The following KAT5 variants were observed in gnomAD, a reference collection of about 807,000 sequenced individuals.
The protein encoded by KAT5 is histone acetyltransferase KAT5.
A neutral mutation model predicts 68.1 loss-of-function variants in KAT5; 31 were observed. The ratio of observed to expected loss-of-function variants is 0.46; its 90% CI spans 0.34 to 0.61. KAT5 has a LOEUF of 0.61. Ranked by LOEUF, KAT5 falls within the 20% of genes least tolerant of loss-of-function variation. The probability of loss-of-function intolerance (pLI) is 0.01; values close to 1 mark genes in which losing one functional copy is unlikely to be tolerated. For synonymous variants in KAT5, 365 were observed against 292.6 expected, an observed-to-expected ratio of 1.25 and a Z score of -2.52; for missense variants, 451 against 725.5, an observed-to-expected ratio of 0.62 and a Z score of 4.35.
At position 65,713,342 on chromosome 11, in the gene KAT5, C is replaced by T; in HGVS notation, c.385-6C>T. Reference sequence around the variant, plus strand: ...CCAAAGGAAGACCCTGGACCTATCTCTACAGCCGGCCTCGGCGCAGGCCAG... The same window carrying T: ...CCAAAGGAAGACCCTGGACCTATCTTTACAGCCGGCCTCGGCGCAGGCCAG... On this transcript the variant is annotated splice_polypyrimidine_tract_variant and splice_region_variant and intron_variant, in intron 3 of 12. Transcript: ENST00000341318. 1.2e-6 allele frequency: 2 copies of T among 1,613,962 alleles called. No individual in the cohort carries two copies. The highest frequency in any genetic ancestry group is 1.7e-6 in the Non-Finnish European group (2 of 1,179,916).
At chr11:65,713,549 C>T (rs779028006) in intron 4 of KAT5, 44 bp from the exon 5 acceptor site, 10 of 1,614,004 alleles carry the variant, frequency 6.2e-6, no homozygotes, top group South Asian at 1.1e-5. Context: ...TCAGGTCCCA[C>T]CTTCTCTACC....
At chr11:65,718,346 C>T (rs1487557211) in intron 10 of KAT5, 1 of 476,446 alleles carries the variant, frequency 2.1e-6, no homozygotes, top group Non-Finnish European at 3.8e-6. Flanking sequence ...TGATCACCCT[C>T]ATGGTTGACT....
At chr11:65,714,799 C>T (rs773110400) in intron 7 of KAT5, 22 bp from the exon 8 acceptor site, 2 of 1,614,108 alleles carry the variant, frequency 1.2e-6, no homozygotes, top group Non-Finnish European at 1.7e-6. Flanking sequence ...GCCCTTGTTC[C>T]TGATCCTCCT....
At position 65,719,402 on chromosome 11, in the gene KAT5, C is replaced by T. The variant is rs1337344036; in HGVS notation, c.*221C>T. On this transcript the variant is annotated 3_prime_UTR_variant, in exon 13 of 13. Coordinates refer to ENST00000341318, the MANE Select transcript of KAT5 (RefSeq NM_182710.3). The stretch of plus-strand genomic sequence containing the variant: ...GTCAGCTGGCCACAGGCCCAGGCCT[C>T]CTCTGAAGCAGGGACCAGAGGGAGC... 2 of 624,110 alleles carry T rather than the reference C, an allele frequency of 3.2e-6. No individual in the cohort carries two copies. Among genetic ancestry groups the T allele is most frequent in the South Asian group, 2.0e-5 (1 of 50,792 alleles). The allele number at this position is 624,110 out of a possible 1,614,324, so 38.7% of individuals were successfully genotyped here.
chr11:65,713,072 C>G lies in KAT5; in HGVS notation c.384+14C>G. On this transcript the variant is annotated intron_variant, in intron 3 of 12. Transcript: ENST00000341318. ...GAGAGAGAGGTGGTGAGTAGGTCCCCCACTTCACCTTTTCTCTCCTGCCTC... is the reference window on the plus strand; with the variant it reads ...GAGAGAGAGGTGGTGAGTAGGTCCCGCACTTCACCTTTTCTCTCCTGCCTC... 1.2e-6 allele frequency: 2 copies of G among 1,612,274 alleles called. No individual in the cohort carries two copies. The highest frequency in any genetic ancestry group is 2.1e-4 in the Middle Eastern group (1 of 4,696).
chr11:65,713,280 C>A, intron 3 of KAT5, 68 bp from the exon 4 acceptor site: 1 of 1,514,680 alleles, frequency 6.6e-7, no homozygotes, highest in South Asian at 1.2e-5. Context: ...GGTGAGGGAC[C>A]CCTCTTCCCC....
At chr11:65,713,937 A>G in intron 6 of KAT5, 89 bp downstream of exon 6, 1 of 1,204,398 alleles carries the variant, frequency 8.3e-7, no homozygotes, top group Non-Finnish European at 1.2e-6. Context: ...GTTTAAAAAT[A>G]AAGAAGGGGT....
intron 6 of KAT5, 102 bp downstream of exon 6, chr11:65,713,950 T>C: frequency 1.9e-6 from 2 of 1,061,938 alleles, no homozygotes; most frequent in South Asian, 2.9e-5. Context: ...GAAGGGGTGG[T>C]GGGCAGAGCT....
chr11:65,716,862 T>C (rs1179778573), intron 9 of KAT5, 27 bp from the exon 10 acceptor site: 16 of 1,613,502 alleles, frequency 9.9e-6, no homozygotes, highest in African/African-American at 1.3e-5. Flanking sequence ...ATCCCTTCCC[T>C]GACACTCACC....
rs1332750183 is a variant in KAT5, at chr11:65,719,108, A to G, written c.1568A>G (p.Lys523Arg). 1.2e-6 allele frequency: 2 copies of G among 1,614,072 alleles called. No homozygotes were observed. Among genetic ancestry groups the G allele is most frequent in the African/African-American group, 2.7e-5 (2 of 74,922 alleles). ...GATGGCCATGAGCGGGCCATGCTCAAGCGGCTCCTGCGGATCGACTCCAAG... is the reference window on the plus strand; with the variant it reads ...GATGGCCATGAGCGGGCCATGCTCAGGCGGCTCCTGCGGATCGACTCCAAG... ...IVDGHERAML[K>R]RLLRIDSKCL... Residue 523 changes from lysine (K) to arginine (R), a missense_variant, in exon 13 of 13, where the codon AAG becomes AGG. By Grantham distance (26) the Lys-to-Arg change is conservative. Transcript: ENST00000341318.
intron 10 of KAT5, chr11:65,718,293 C>T: frequency 3.3e-6 from 1 of 304,800 alleles, no homozygotes; most frequent in Non-Finnish European, 6.1e-6. Flanking sequence ...TTCCCATGAG[C>T]CATTTTCTCT....
chr11:65,712,171 C>G, upstream of KAT5: 2 of 1,255,756 alleles, frequency 1.6e-6, no homozygotes, highest in African/African-American at 3.2e-5. Context: ...AAAGGTCCCC[C>G]TCTACAGGGG....
rs776567096 is a variant in KAT5, at chr11:65,714,596, C to T, written c.792C>T (p.Asn264=). 3.7e-6 allele frequency: 6 copies of T among 1,614,198 alleles called. No individual in the cohort carries two copies. The highest frequency in any genetic ancestry group is 5.1e-6 in the Non-Finnish European group (6 of 1,180,032). ...SHDDIVTRMK[N]IECIELGRHR... is the part of the protein sequence containing the mutation. Reference sequence around the variant, plus strand: ...ACGACATCGTCACCCGGATGAAGAACATTGAGTGCATTGAGCTGGGCCGGC... The same window carrying T: ...ACGACATCGTCACCCGGATGAAGAATATTGAGTGCATTGAGCTGGGCCGGC... Residue 264 remains asparagine, a synonymous_variant, in exon 7 of 13, where the codon AAC becomes AAT. Transcript: ENST00000341318.
intron 8 of KAT5, 100 bp downstream of exon 8, chr11:65,715,010 C>G: frequency 9.6e-7 from 1 of 1,039,976 alleles, no homozygotes; most frequent in East Asian, 2.5e-5. Context: ...ATCAGTCCAG[C>G]CCATTTTTAT....
chr11:65,714,294 A>G (rs981160908), intron 6 of KAT5: 1 of 626,768 alleles, frequency 1.6e-6, no homozygotes, highest in African/African-American at 1.8e-5. Flanking sequence ...GACTCCATCT[A>G]AAAAATGGGG....
intron 10 of KAT5, 194 bp downstream of exon 10, chr11:65,717,176 C>T: frequency 1.7e-6 from 1 of 603,782 alleles, no homozygotes; most frequent in Middle Eastern, 4.4e-4. Context: ...GGGGTAGGTT[C>T]TCAGCCCCCC....
chr11:65,713,735 A>G lies in KAT5; in HGVS notation c.616-39A>G, dbSNP rs1268965288. On this transcript the variant is annotated intron_variant, in intron 5 of 12. Coordinates refer to ENST00000341318, the MANE Select transcript of KAT5 (RefSeq NM_182710.3). ...CTCTCTGGTGGCTTTTTTCAGGCTC[A>G]TTTCACAGCCATCCCTTCTTTTCCT... is the stretch of plus-strand genomic sequence containing the variant. 3.1e-6 allele frequency: 5 copies of G among 1,613,380 alleles called. No individual in the cohort carries two copies. In the African/African-American group the frequency reaches 4.0e-5, roughly 13 times the overall value.
intron 3 of KAT5, 134 bp from the exon 4 acceptor site, chr11:65,713,214 T>G: frequency 7.7e-7 from 1 of 1,305,928 alleles, no homozygotes; most frequent in Non-Finnish European, 1.1e-6. Context: ...GCTCCCAGAG[T>G]CCAGTAGCTA....
upstream of KAT5, chr11:65,712,082 C>T (rs1857034902): frequency 5.7e-6 from 3 of 524,302 alleles, no homozygotes; most frequent in Non-Finnish European, 9.7e-6. Flanking sequence ...TAGGGCTCGG[C>T]CTGAGGCTTG....
Sources: allele counts gnomAD v4.1 joint callset, GRCh38; gene constraint gnomAD v4.1.1; transcripts MANE v1.5; gene names NCBI Gene and HGNC (gene_info 2026-07-23, HGNC 2026-07-21).